The following BBS9 variants were observed in gnomAD, a reference collection of about 807,000 sequenced individuals.
BBS9 encodes Bardet-Biedl syndrome 9.
Under a neutral mutation model 117.7 loss-of-function variants are expected in BBS9, and 89 were observed. The observed-to-expected ratio is 0.76, with a 90% CI of 0.64 to 0.90. The LOEUF (loss-of-function observed/expected upper bound fraction) is 0.90, where lower values mean the gene tolerates loss of function less well. Ranked by LOEUF, BBS9 falls within the 40% of genes least tolerant of loss-of-function variation. BBS9 has a pLI of 0.00. For synonymous variants in BBS9, 379 were observed against 370.9 expected, an observed-to-expected ratio of 1.02 and a Z score of -0.25; for missense variants, 982 against 1,042.2, an observed-to-expected ratio of 0.94 and a Z score of 0.80.
chr7:33,340,789 T>A, intron 10 of BBS9, 108 bp from the exon 11 acceptor site: 1 of 853,952 alleles, frequency 1.2e-6, no homozygotes, highest in Non-Finnish European at 1.8e-6. Context: ...CTTGTGAGTA[T>A]GTTTATGGGG....
At chr7:33,282,686 A>T (rs1330937901) in intron 9 of BBS9, among the ~76,000 whole-genome samples, 1 of 152,180 alleles carries the variant, frequency 6.6e-6, no homozygotes, top group African/African-American at 2.4e-5. Flanking sequence ...TTTAAAATAT[A>T]AATTTATTTC....
At chr7:33,304,620 G>A (rs568261431) in intron 9 of BBS9, among the ~76,000 whole-genome samples, 2 of 152,316 alleles carry the variant, frequency 1.3e-5, no homozygotes, top group East Asian at 3.9e-4. Context: ...CTTTCTGCAG[G>A]TGTACCCAAC....
At chr7:33,335,560 A>T (rs190743543) in intron 9 of BBS9, among the ~76,000 whole-genome samples, 1 of 152,198 alleles carries the variant, frequency 6.6e-6, no homozygotes, top group Non-Finnish European at 1.5e-5. Context: ...TACAGTATTC[A>T]TCTCAGCTAC....
intron 1 of BBS9, among the ~76,000 whole-genome samples, chr7:33,144,749 G>A (rs1487670450): frequency 6.6e-6 from 1 of 152,186 alleles, no homozygotes; most frequent in East Asian, 1.9e-4. Flanking sequence ...ACTTACCATG[G>A]TTTGACTTAT....
intron 5 of BBS9, among the ~76,000 whole-genome samples, chr7:33,181,021 AC>A (rs1798026987): frequency 1.3e-5 from 2 of 152,166 alleles, no homozygotes; most frequent in Non-Finnish European, 2.9e-5. Context: ...AAGCACTCCT[AC>A]TTGAGGTGCT....
At chr7:33,439,739 G>A (rs1835873203) in intron 19 of BBS9, among the ~76,000 whole-genome samples, 1 of 152,180 alleles carries the variant, frequency 6.6e-6, no homozygotes, top group Non-Finnish European at 1.5e-5. Context: ...ATGTTGACCA[G>A]GATGGTCTCG....
intron 20 of BBS9, among the ~76,000 whole-genome samples, chr7:33,512,061 G>T (rs769334685): frequency 2.6e-5 from 4 of 152,124 alleles, no homozygotes; most frequent in Admixed American, 6.5e-5. Flanking sequence ...AAATATTTTG[G>T]TAATTCCCAT....
intron 19 of BBS9, among the ~76,000 whole-genome samples, chr7:33,417,802 G>C (rs6951102): frequency 0.028 from 4,302 of 152,160 alleles, 203 homozygotes; most frequent in African/African-American, 0.099. Flanking sequence ...AAGTTCATTG[G>C]GAACCTCACC....
chr7:33,492,807 AGTGAGT>A (rs1844177446), intron 19 of BBS9, among the ~76,000 whole-genome samples: 3 of 88,254 alleles, frequency 3.4e-5, no homozygotes, highest in East Asian at 3.1e-4. Flanking sequence ...CTAGTATAGG[AGTGAGT>A]GTGTGTGTGT....
At chr7:33,188,130 A>AGGGGGGGGGGGGGGG (rs1783463063) in intron 5 of BBS9, among the ~76,000 whole-genome samples, 1 of 716 alleles carries the variant, frequency 1.4e-3, no homozygotes, top group Admixed American at 0.023. Context: ...GGGGTGGGGT[A>AGGGGGGGGGGGGGGG]GGGTGGGGGG....
chr7:33,265,788 A>G (rs975885156), intron 7 of BBS9, among the ~76,000 whole-genome samples: 1 of 152,160 alleles, frequency 6.6e-6, no homozygotes, highest in Non-Finnish European at 1.5e-5. Context: ...GATTGCAGTA[A>G]GCTGAGATCG....
intron 17 of BBS9, among the ~76,000 whole-genome samples, chr7:33,374,548 AAGC>A (rs1823454050): frequency 6.6e-6 from 1 of 152,190 alleles, no homozygotes; most frequent in South Asian, 2.1e-4. Context: ...GTTGAAAAGT[AAGC>A]GTTGAGAAAC....
intron 19 of BBS9, among the ~76,000 whole-genome samples, chr7:33,479,751 A>G (rs1027724451): frequency 6.6e-6 from 1 of 152,044 alleles, no homozygotes; most frequent in African/African-American, 2.4e-5. Context: ...TTTTCTCCAC[A>G]CTTTTAAATA....
chr7:33,264,833 A>G (rs1005644799), intron 7 of BBS9, among the ~76,000 whole-genome samples: 1 of 152,104 alleles, frequency 6.6e-6, no homozygotes, highest in African/African-American at 2.4e-5. Context: ...TCTTGCATCT[A>G]TGAATATTTA....
chr7:33,612,827 A>G (rs1168836899), intron 21 of BBS9, among the ~76,000 whole-genome samples: 1 of 152,084 alleles, frequency 6.6e-6, no homozygotes, highest in African/African-American at 2.4e-5. Context: ...AGGAGACAAT[A>G]TGATATAGAG....
At chr7:33,493,320 C>T (rs1235414359) in intron 19 of BBS9, among the ~76,000 whole-genome samples, 5 of 151,878 alleles carry the variant, frequency 3.3e-5, no homozygotes, top group Non-Finnish European at 7.4e-5. Context: ...CTGTTGGTTC[C>T]TTGCAGGTAG....
At chr7:33,602,287 C>T (rs1219276004) in intron 21 of BBS9, among the ~76,000 whole-genome samples, 1 of 152,172 alleles carries the variant, frequency 6.6e-6, no homozygotes, top group Non-Finnish European at 1.5e-5. Context: ...AGGGGGAATT[C>T]TCTGCTCAGC....
chr7:33,310,972 C>G (rs1385638285), intron 9 of BBS9, among the ~76,000 whole-genome samples: 2 of 152,192 alleles, frequency 1.3e-5, no homozygotes, highest in Non-Finnish European at 2.9e-5. Flanking sequence ...CTCAAATAAA[C>G]ATATCATTCC....
At chr7:33,393,590 A>G (rs114069563) in intron 19 of BBS9, among the ~76,000 whole-genome samples, 472 of 152,276 alleles carry the variant, frequency 3.1e-3, no homozygotes, top group African/African-American at 0.011. Context: ...CAAAGTTCAA[A>G]TAGAGAACAG....
Sources: allele counts gnomAD v4.1 joint callset (sites outside exome capture counted in the v4.1 genomes callset), GRCh38; gene constraint gnomAD v4.1.1; transcripts MANE v1.5; gene names NCBI Gene and HGNC (gene_info 2026-07-23, HGNC 2026-07-21).